The following PIK3C2G variants were observed in gnomAD, a reference collection of about 807,000 sequenced individuals.
The protein encoded by PIK3C2G is phosphatidylinositol 3-kinase C2 domain-containing subunit gamma.
PIK3C2G carries 168 observed loss-of-function variants against 181.1 expected under a neutral mutation model. The observed-to-expected ratio is 0.93, with a 90% CI of 0.82 to 1.05. PIK3C2G has a LOEUF of 1.05. Ranked by LOEUF, PIK3C2G falls within the 50% of genes least tolerant of loss-of-function variation. PIK3C2G has a pLI of 0.00. For missense variants in PIK3C2G, 1,869 were observed against 1,732.8 expected (o/e 1.08, Z -1.40); for synonymous variants, 573 against 592.2 (o/e 0.97, Z 0.47).
rs79426804 is a variant in PIK3C2G at position 18,463,848 on chromosome 12, C to T, written c.2505-24601C>T. Among the ~76,000 whole-genome samples, 218 of 152,182 alleles carry T rather than the reference C, an allele frequency of 1.4e-3. 4 individuals carry two copies. The East Asian group carries it at 0.034, about 23-fold the overall frequency. The stretch of plus-strand genomic sequence containing the variant: ...TATTATCCATAAATGAGTTTGTTGA[C>T]GGCCTTAGAGCTGGTAATAGCCAGA... On this transcript the variant is annotated intron_variant, in intron 18 of 32. Coordinates refer to ENST00000538779, the MANE Select transcript of PIK3C2G (RefSeq NM_001288772.2).
At chr12:18,514,373 T>G (rs565969420) in intron 24 of PIK3C2G, among the ~76,000 whole-genome samples, 14 of 152,060 alleles carry the variant, frequency 9.2e-5, no homozygotes, top group Admixed American at 2.6e-4. Flanking sequence ...TTATTGATTT[T>G]ATTTCAATCC....
At chr12:18,562,660 C>T (rs1416860332) in intron 26 of PIK3C2G, 43 bp from the exon 27 acceptor site, 2 of 1,160,998 alleles carry the variant, frequency 1.7e-6, no homozygotes, top group Non-Finnish European at 2.5e-6. Flanking sequence ...TGAGTAGATG[C>T]AGAGGAGTGT....
intron 18 of PIK3C2G, among the ~76,000 whole-genome samples, chr12:18,437,382 C>T (rs1441828765): frequency 2.6e-5 from 4 of 151,944 alleles, no homozygotes; most frequent in Admixed American, 2.0e-4. Context: ...CAATCAAACA[C>T]TTGTTACATT....
intron 24 of PIK3C2G, among the ~76,000 whole-genome samples, chr12:18,529,845 A>G (rs1439408538): frequency 6.6e-6 from 1 of 152,252 alleles, no homozygotes; most frequent in East Asian, 1.9e-4. Context: ...ATTGGACTTG[A>G]ATTTGTGGGA....
intron 8 of PIK3C2G, among the ~76,000 whole-genome samples, chr12:18,337,830 A>G (rs1300735187): frequency 7.9e-5 from 12 of 152,160 alleles, no homozygotes; most frequent in Admixed American, 7.9e-4. Flanking sequence ...AGTAGATTAT[A>G]TTTGTCATCA....
chr12:18,253,379 A>T (rs1948113556), intron 1 of PIK3C2G, among the ~76,000 whole-genome samples: 1 of 152,080 alleles, frequency 6.6e-6, no homozygotes, highest in Non-Finnish European at 1.5e-5. Context: ...GACAGTTGTT[A>T]AAAAAAATTG....
At chr12:18,302,451 A>G (rs559104872) in intron 5 of PIK3C2G, among the ~76,000 whole-genome samples, 38 of 152,094 alleles carry the variant, frequency 2.5e-4, no homozygotes, top group African/African-American at 8.9e-4. Flanking sequence ...CTCAGGCTCT[A>G]TGATGGTGTT....
intron 14 of PIK3C2G, among the ~76,000 whole-genome samples, chr12:18,384,162 G>T (rs1943025059): frequency 6.6e-6 from 1 of 151,638 alleles, no homozygotes; most frequent in African/African-American, 2.4e-5. Context: ...TCTAAGTTAA[G>T]GATCATAGGG....
At position 18,274,731 on chromosome 12, in the gene PIK3C2G, C is replaced by A. The variant is rs980476035; in HGVS notation, c.-78-7273C>A. Among the ~76,000 whole-genome samples, 51 of 152,092 alleles carry A rather than the reference C, an allele frequency of 3.4e-4. 1 individual carries two copies. Among genetic ancestry groups the A allele is most frequent in the Admixed American group, 1.6e-3 (25 of 15,280 alleles). On this transcript the variant is annotated intron_variant, in intron 1 of 32. Coordinates refer to ENST00000538779, the MANE Select transcript of PIK3C2G (RefSeq NM_001288772.2). ...TGATGAGTTAATGGGTGCAGCACACCAACATGGCACATGTATCCATATGTA... is the reference window on the plus strand; with the variant it reads ...TGATGAGTTAATGGGTGCAGCACACAAACATGGCACATGTATCCATATGTA...
chr12:18,280,990 C>A (rs190986051), intron 1 of PIK3C2G, among the ~76,000 whole-genome samples: 1 of 151,852 alleles, frequency 6.6e-6, no homozygotes, highest in Admixed American at 6.6e-5. Flanking sequence ...TGAGCAGCTG[C>A]GTGAATAATT....
intron 24 of PIK3C2G, among the ~76,000 whole-genome samples, chr12:18,513,931 C>T (rs757565480): frequency 1.3e-5 from 2 of 151,576 alleles, no homozygotes; most frequent in African/African-American, 2.4e-5. Context: ...ACTTTTGAGG[C>T]GTTATGTTAC....
chr12:18,690,286 C>T, the PIK3C2G span, among the ~76,000 whole-genome samples: 4 of 152,176 alleles, frequency 2.6e-5, no homozygotes, highest in African/African-American at 9.6e-5. Flanking sequence ...TGCAACGGTG[C>T]GACCTCGGCT....
chr12:18,244,571 C>T (rs971396767), upstream of PIK3C2G, among the ~76,000 whole-genome samples: 1 of 151,966 alleles, frequency 6.6e-6, no homozygotes, highest in Non-Finnish European at 1.5e-5. Context: ...CTGCATTTTA[C>T]GCTATCTCTA....
chr12:18,440,213 G>C (rs1287488630), intron 18 of PIK3C2G, among the ~76,000 whole-genome samples: 1 of 151,960 alleles, frequency 6.6e-6, no homozygotes, highest in African/African-American at 2.4e-5. Flanking sequence ...GCTTATATCT[G>C]TAAGAGTTAT....
intron 14 of PIK3C2G, among the ~76,000 whole-genome samples, chr12:18,386,191 T>C (rs555316897): frequency 6.6e-6 from 1 of 152,186 alleles, no homozygotes; most frequent in South Asian, 2.1e-4. Flanking sequence ...AAGACAATTC[T>C]CAAAGGTTCC....
At chr12:18,584,857 C>G (rs1314238607) in intron 29 of PIK3C2G, among the ~76,000 whole-genome samples, 1 of 152,072 alleles carries the variant, frequency 6.6e-6, no homozygotes, top group African/African-American at 2.4e-5. Context: ...AGCAGGAAAT[C>G]TATAAGCCAG....
At chr12:18,438,579 T>C (rs1356440615) in intron 18 of PIK3C2G, among the ~76,000 whole-genome samples, 3 of 151,834 alleles carry the variant, frequency 2.0e-5, no homozygotes, top group African/African-American at 7.2e-5. Context: ...CTCTGAAAAA[T>C]ATTAATACTC....
chr12:18,586,204 G>A (rs12581078), intron 29 of PIK3C2G, among the ~76,000 whole-genome samples: 32,382 of 151,680 alleles, frequency 0.21, 3,481 homozygotes, highest in African/African-American at 0.25. Flanking sequence ...AAATGACCAA[G>A]CAATATGAAA....
At chr12:18,547,800 C>A (rs1040454367) in intron 26 of PIK3C2G, among the ~76,000 whole-genome samples, 6 of 151,966 alleles carry the variant, frequency 3.9e-5, no homozygotes, top group Admixed American at 3.9e-4. Flanking sequence ...CATCTACTAG[C>A]AAAATCCCAA....
Sources: gnomAD v4.1 joint callset for allele counts (sites outside exome capture counted in the v4.1 genomes callset) on GRCh38, gnomAD v4.1.1 for gene constraint, MANE v1.5 for transcripts, NCBI Gene and HGNC (gene_info 2026-07-23, HGNC 2026-07-21) for gene names.